The following RGR variants were observed in gnomAD, a reference collection of about 807,000 sequenced individuals.
The protein encoded by RGR is RPE-retinal G protein-coupled receptor.
Under a neutral mutation model 28.6 loss-of-function variants are expected in RGR, and 30 were observed. The ratio of observed to expected loss-of-function variants is 1.05; its 90% CI spans 0.78 to 1.42. RGR has a LOEUF of 1.42. RGR is among the 40% of genes most tolerant of loss of function. The probability of loss-of-function intolerance (pLI) is 0.00; values close to 1 mark genes in which losing one functional copy is unlikely to be tolerated. For missense variants in RGR, 404 were observed against 375.6 expected (o/e 1.08, Z -0.62); for synonymous variants, 180 against 156.4 (o/e 1.15, Z -1.13).
At chr10:84,253,334 C>T (rs1169023200) in intron 4 of RGR, among the ~76,000 whole-genome samples, 2 of 152,234 alleles carry the variant, frequency 1.3e-5, no homozygotes, top group African/African-American at 4.8e-5. Context: ...ATCTTCAGCA[C>T]AGTCGACCAT....
intron 1 of RGR, among the ~76,000 whole-genome samples, chr10:84,247,230 T>C (rs1285250852): frequency 6.6e-6 from 1 of 152,174 alleles, no homozygotes; most frequent in Non-Finnish European, 1.5e-5. Flanking sequence ...GAGAAGGCAT[T>C]TTGAAATCCA....
rs182618936 is a variant in RGR at position 84,254,483 on chromosome 10, G to A, written c.630+40G>A. On this transcript the variant is annotated intron_variant, in intron 5 of 6. Transcript: ENST00000652092. ...CCGGAGTGTTATCTGATGGTGCAGC[G>A]CAGCTCCAGGCTCTTGGTGTCCCGA... 1.3e-4 allele frequency: 192 copies of A among 1,498,220 alleles called. No homozygotes were observed. In the East Asian group the frequency reaches 2.3e-3, roughly 18 times the overall value. 92.8% of individuals were successfully genotyped at this position (1,498,220 alleles called of 1,614,324 possible).
intron 5 of RGR, among the ~76,000 whole-genome samples, chr10:84,257,243 C>CGGCACCCCAGCA (rs1327052336): frequency 6.6e-6 from 1 of 152,144 alleles, no homozygotes; most frequent in South Asian, 2.1e-4. Flanking sequence ...TGGCCCCAGG[C>CGGCACCCCAGCA]GGCACCCCAG....
At chr10:84,247,054 A>G (rs564107276) in intron 1 of RGR, among the ~76,000 whole-genome samples, 1 of 152,286 alleles carries the variant, frequency 6.6e-6, no homozygotes, top group East Asian at 1.9e-4. Flanking sequence ...AGAGAGCTTA[A>G]GGAGCAGCAA....
chr10:84,245,322 G>C (rs905378385), intron 1 of RGR, among the ~76,000 whole-genome samples, 153 bp downstream of exon 1: 4 of 152,172 alleles, frequency 2.6e-5, no homozygotes, highest in Non-Finnish European at 1.5e-5. Context: ...CCGGACTCGG[G>C]GGGTGTTCTG....
At chr10:84,253,863 T>C (rs1842849884) in intron 4 of RGR, among the ~76,000 whole-genome samples, 1 of 152,182 alleles carries the variant, frequency 6.6e-6, no homozygotes, top group Non-Finnish European at 1.5e-5. Context: ...GGACTCCCAC[T>C]ATTCCCTTCA....
intron 6 of RGR, 69 bp from the exon 7 acceptor site, chr10:84,258,439 C>T: frequency 6.2e-7 from 1 of 1,612,760 alleles, no homozygotes; most frequent in Non-Finnish European, 8.5e-7. Context: ...TGACCGGGGT[C>T]ACCAGGTGAG....
At chr10:84,248,010 C>A (rs1203605969) in intron 2 of RGR, 10 of 622,580 alleles carry the variant, frequency 1.6e-5, no homozygotes, top group Non-Finnish European at 2.7e-5. Flanking sequence ...ACCAAGCAAC[C>A]TAGGTTTGCA....
At chr10:84,250,291 A>C in intron 3 of RGR, 1 of 709,768 alleles carries the variant, frequency 1.4e-6, no homozygotes, top group Admixed American at 2.0e-5. Flanking sequence ...TTTGGAATCC[A>C]CAGAACTTCC....
intron 2 of RGR, chr10:84,248,429 G>A (rs527800044): frequency 7.0e-5 from 16 of 229,838 alleles, no homozygotes; most frequent in Non-Finnish European, 1.2e-4. Context: ...GAGCCCCCCC[G>A]GATGTGCATG....
chr10:84,251,556 T>A (rs192122787), intron 3 of RGR, among the ~76,000 whole-genome samples: 39 of 152,312 alleles, frequency 2.6e-4, no homozygotes, highest in African/African-American at 9.1e-4. Context: ...CCTTCTTTCA[T>A]TTTTTTGAAA....
At chr10:84,257,019 A>G (rs968036751) in intron 5 of RGR, among the ~76,000 whole-genome samples, 4 of 132,446 alleles carry the variant, frequency 3.0e-5, no homozygotes, top group Non-Finnish European at 3.5e-5. Flanking sequence ...AGTTAAGAGG[A>G]AAAAAAAAGT....
Position 84,247,675 on chromosome 10 carries a change from T to C in RGR, c.164T>C (p.Val55Ala). The C allele has an allele frequency of 6.2e-7, 1 of 1,614,194 alleles. No homozygotes were observed. Among genetic ancestry groups the C allele is most frequent in the Non-Finnish European group, 8.5e-7 (1 of 1,180,030 alleles). ...PELRTPCHLLVLSLALADSGI... is the reference protein window; with the variant it reads ...PELRTPCHLLALSLALADSGI... ...CTGCGGACTCCCTGCCACCTACTGG[T>C]GCTGAGCTTGGCTCTTGCGGACAGT... The change falls in exon 2 of 7, where the codon GTG becomes GCG. Residue 55 changes from valine (V) to alanine (A), a missense_variant. Val to Ala is a moderately conservative substitution (Grantham distance 64). Transcript: ENST00000652092.
chr10:84,258,585 G>C lies in RGR; in HGVS notation c.822G>C (p.Arg274Ser), dbSNP rs375673754. ...NYALGNEMVCRGIWQCLSPQK... is the reference protein window; with the variant it reads ...NYALGNEMVCSGIWQCLSPQK... The stretch of plus-strand genomic sequence containing the variant: ...CCCTGGGCAATGAGATGGTCTGCAG[G>C]GGAATCTGGCAGTGCCTCTCACCGC... The change falls in exon 7 of 7, where the codon AGG becomes AGC. Residue 274 changes from arginine (R) to serine (S), a missense_variant. By Grantham distance (110) the Arg-to-Ser change is moderately radical. Coordinates refer to ENST00000652092, the MANE Select transcript of RGR (RefSeq NM_001012720.2). 129 of 1,614,092 alleles carry C rather than the reference G, an allele frequency of 8.0e-5. No individual in the cohort carries two copies. The highest frequency in any genetic ancestry group is 1.0e-4 in the Non-Finnish European group (122 of 1,180,042).
intron 2 of RGR, 27 bp downstream of exon 2, chr10:84,247,774 G>A (rs376494093): frequency 1.2e-6 from 2 of 1,613,848 alleles, no homozygotes; most frequent in Non-Finnish European, 1.7e-6. Flanking sequence ...CAGTCCACAG[G>A]CTCTGGGGTC....
chr10:84,256,155 G>T (rs1461265443), intron 5 of RGR, among the ~76,000 whole-genome samples: 1 of 126,152 alleles, frequency 7.9e-6, no homozygotes, highest in Admixed American at 9.8e-5. Flanking sequence ...TGCAACCTCC[G>T]CCTCTCGGGT....
At chr10:84,248,428 C>A (rs1011865003) in intron 2 of RGR, 62 of 231,648 alleles carry the variant, frequency 2.7e-4, no homozygotes, top group Non-Finnish European at 5.0e-4. Flanking sequence ...GGAGCCCCCC[C>A]GGATGTGCAT....
rs779333196 is a variant in RGR at position 84,252,895 on chromosome 10, C to T, written c.397C>T (p.Leu133Phe). The change falls in exon 4 of 7, where the codon CTC becomes TTC. Residue 133 changes from leucine to phenylalanine, a missense_variant. Leu to Phe is a conservative substitution (Grantham distance 22). Transcript: ENST00000652092. ...CTGGAACTCAGCCGTCTCTCTGGTG[C>T]TCTTCGTGTGGCTGTCTTCTGCCTT... Reference protein sequence around the residue: ...LAWNSAVSLVLFVWLSSAFWA... With the variant: ...LAWNSAVSLVFFVWLSSAFWA... 4 of 1,614,162 alleles carry T rather than the reference C, an allele frequency of 2.5e-6. No individual in the cohort carries two copies. The highest frequency in any genetic ancestry group is 2.7e-5 in the African/African-American group (2 of 75,068).
intron 5 of RGR, among the ~76,000 whole-genome samples, chr10:84,257,133 G>A (rs898249781): frequency 6.6e-6 from 1 of 152,226 alleles, no homozygotes; most frequent in African/African-American, 2.4e-5. Context: ...GAGAAAACAG[G>A]CAAGAACTTG....
Sources: allele counts gnomAD v4.1 joint callset (sites outside exome capture counted in the v4.1 genomes callset), GRCh38; gene constraint gnomAD v4.1.1; transcripts MANE v1.5; gene names NCBI Gene and HGNC (gene_info 2026-07-23, HGNC 2026-07-21).